MAST4: variants seen among roughly 807,000 people sequenced by gnomAD.
The protein encoded by MAST4 is microtubule-associated serine/threonine-protein kinase 4.
Under a neutral mutation model 162.7 loss-of-function variants are expected in MAST4, and 89 were observed. The observed-to-expected ratio is 0.55, with a 90% confidence interval of 0.46 to 0.65. The LOEUF (loss-of-function observed/expected upper bound fraction) is 0.65. Among genes scored for constraint, MAST4 ranks in the 30% least tolerant of loss-of-function variants. The pLI is 0.00. For missense variants in MAST4, 3,153 were observed against 3,374.0 expected (o/e 0.93, Z 1.62); for synonymous variants, 1,479 against 1,361.1 (o/e 1.09, Z -1.91).
intron 1 of MAST4, among the ~76,000 whole-genome samples, chr5:66,699,394 C>T (rs1749618790): frequency 6.6e-6 from 1 of 152,172 alleles, no homozygotes; most frequent in Non-Finnish European, 1.5e-5. Context: ...ACTGCAGGCC[C>T]TAAGGGGTGG....
chr5:66,928,396 A>G (rs1765061777), intron 4 of MAST4, among the ~76,000 whole-genome samples: 2 of 152,324 alleles, frequency 1.3e-5, no homozygotes, highest in East Asian at 1.9e-4. Context: ...GGAGAGGACA[A>G]TTGAAGGGTT....
intron 1 of MAST4, among the ~76,000 whole-genome samples, chr5:66,653,359 C>T (rs79565676): frequency 9.8e-5 from 15 of 152,290 alleles, no homozygotes; most frequent in Admixed American, 2.6e-4. Context: ...AGTACCTTAG[C>T]GACCATTCCA....
At chr5:66,737,891 T>A (rs1291270070) in intron 1 of MAST4, 1 of 152,208 alleles carries the variant, frequency 6.6e-6, no homozygotes, top group Non-Finnish European at 1.5e-5. Flanking sequence ...GTCCTGCTTG[T>A]ACCCTGACCT....
intron 1 of MAST4, among the ~76,000 whole-genome samples, chr5:66,616,853 A>G (rs140242313): frequency 2.6e-5 from 4 of 152,184 alleles, no homozygotes; most frequent in African/African-American, 7.2e-5. Context: ...CCTTTTACTG[A>G]TAAGTTTCCC....
rs765198663 is a variant in MAST4 at position 67,130,427 on chromosome 5, C to T, written c.1954+9C>T. The T allele has an allele frequency of 1.2e-6, 2 of 1,612,814 alleles. No individual in the cohort carries two copies. Among genetic ancestry groups the T allele is most frequent in the Non-Finnish European group, 8.5e-7 (1 of 1,179,314 alleles). On this transcript the variant is annotated intron_variant, in intron 15 of 28. Transcript: ENST00000403625. ...CATGGAATATGTGGAAGGTATCTGA[C>T]ACGGAAAACATGACACCTGTACCCA...
intron 4 of MAST4, among the ~76,000 whole-genome samples, chr5:66,912,381 A>G (rs1763835053): frequency 6.6e-6 from 1 of 152,250 alleles, no homozygotes; most frequent in African/African-American, 2.4e-5. Flanking sequence ...TCAAGAATCA[A>G]TTATCTGCAA....
chr5:66,918,781 G>C (rs184481851), intron 4 of MAST4, among the ~76,000 whole-genome samples: 17 of 152,156 alleles, frequency 1.1e-4, no homozygotes, highest in Admixed American at 5.2e-4. Flanking sequence ...AGTTTATTCT[G>C]TAGCCAAAAA....
chr5:66,729,530 A>T (rs1353537168), intron 1 of MAST4, among the ~76,000 whole-genome samples: 1 of 152,206 alleles, frequency 6.6e-6, no homozygotes, highest in African/African-American at 2.4e-5. Context: ...CAGGCCCCTC[A>T]TAGAGCAGTG....
intron 4 of MAST4, among the ~76,000 whole-genome samples, chr5:66,943,813 T>C (rs538726589): frequency 6.6e-6 from 1 of 152,236 alleles, no homozygotes; most frequent in South Asian, 2.1e-4. Context: ...TTGATGAGCA[T>C]GCCTTTTTTC....
In MAST4 at chr5:67,078,922, A is replaced by ATTTT. The variant is rs1434438738; in HGVS notation, c.764-11239_764-11238insTTTT. Among the ~76,000 whole-genome samples the ATTTT allele has an allele frequency of 9.0e-3, 665 of 74,176 alleles. 12 individuals are homozygous for ATTTT. Among genetic ancestry groups the ATTTT allele is most frequent in the African/African-American group, 0.026 (415 of 15,856 alleles). The allele number at this position is 74,176 out of a possible 152,430, so 48.7% of individuals were successfully genotyped here. ...TATATTTTTATATAAATATATATAT[A>ATTTT]TATATATATATATATATATATATAT... is the stretch of plus-strand genomic sequence containing the variant. On this transcript the variant is annotated intron_variant, in intron 5 of 28. Transcript: ENST00000403625.
chr5:66,918,240 C>T (rs1207014838), intron 4 of MAST4, among the ~76,000 whole-genome samples: 4 of 152,010 alleles, frequency 2.6e-5, no homozygotes, highest in African/African-American at 9.7e-5. Context: ...TTTTAGTTTG[C>T]ATGTCTGTTT....
At chr5:67,115,892 A>C (rs377367278) in intron 12 of MAST4, among the ~76,000 whole-genome samples, 14 of 151,814 alleles carry the variant, frequency 9.2e-5, no homozygotes, top group East Asian at 7.7e-4. Flanking sequence ...TTTTTTTATG[A>C]AAATAGTTGG....
intron 4 of MAST4, among the ~76,000 whole-genome samples, chr5:66,962,315 A>G (rs1432716912): frequency 1.3e-5 from 2 of 152,228 alleles, no homozygotes; most frequent in East Asian, 1.9e-4. Context: ...ACGGTGGTGC[A>G]TGCCCATAGT....
chr5:66,780,222 C>G (rs542655459), intron 2 of MAST4, among the ~76,000 whole-genome samples: 2 of 151,932 alleles, frequency 1.3e-5, no homozygotes, highest in South Asian at 4.2e-4. Context: ...ACTCCCCATT[C>G]CCCACTCCCC....
At chr5:67,132,874 G>A (rs2150999600) in intron 16 of MAST4, among the ~76,000 whole-genome samples, 1 of 151,778 alleles carries the variant, frequency 6.6e-6, no homozygotes. Context: ...TAAAATTTTG[G>A]GATATTTCCA....
chr5:66,929,288 C>T (rs893606425), intron 4 of MAST4, among the ~76,000 whole-genome samples: 3 of 152,164 alleles, frequency 2.0e-5, no homozygotes, highest in Admixed American at 6.5e-5. Context: ...GGAGAAGACA[C>T]ATGTCCCACC....
At chr5:66,598,661 A>G (rs1026846784) in intron 1 of MAST4, among the ~76,000 whole-genome samples, 1 of 152,194 alleles carries the variant, frequency 6.6e-6, no homozygotes, top group Non-Finnish European at 1.5e-5. Context: ...TGGCATTGGG[A>G]AGCTGGGGGT....
intron 17 of MAST4, among the ~76,000 whole-genome samples, chr5:67,133,875 A>G (rs1031719706): frequency 1.3e-5 from 2 of 152,194 alleles, no homozygotes. Context: ...TATTAGCAAG[A>G]CGAATGATCT....
chr5:66,667,083 G>A (rs1424031710), intron 1 of MAST4, among the ~76,000 whole-genome samples: 1 of 152,134 alleles, frequency 6.6e-6, no homozygotes, highest in Non-Finnish European at 1.5e-5. Flanking sequence ...AAGAGCATAT[G>A]GGGGTCAGAA....
Sources: allele counts gnomAD v4.1 joint callset (sites outside exome capture counted in the v4.1 genomes callset), GRCh38; gene constraint gnomAD v4.1.1; transcripts MANE v1.5; gene names NCBI Gene and HGNC (gene_info 2026-07-23, HGNC 2026-07-21).